PDE11A: variants seen among roughly 807,000 people sequenced by gnomAD.
PDE11A encodes dual 3',5'-cyclic-AMP and -GMP phosphodiesterase 11A.
PDE11A carries 100 observed loss-of-function variants against 100.5 expected under a neutral mutation model. The observed-to-expected ratio is 1.00, with a 90% CI of 0.85 to 1.18. PDE11A has a LOEUF of 1.18. PDE11A is among the 50% of genes most tolerant of loss of function. The pLI is 0.00. For missense variants in PDE11A, 1,141 were observed against 1,152.6 expected, an observed-to-expected ratio of 0.99 and a Z score of 0.15; for synonymous variants, 381 against 420.8, an observed-to-expected ratio of 0.91 and a Z score of 1.16.
intron 17 of PDE11A, among the ~76,000 whole-genome samples, chr2:177,672,485 G>T (rs1427795921): frequency 6.6e-6 from 1 of 152,140 alleles, no homozygotes; most frequent in Non-Finnish European, 1.5e-5. Context: ...GAGAAAGACA[G>T]AAAAAGACCC....
At chr2:177,903,468 G>A (rs1370019181) in intron 3 of PDE11A, among the ~76,000 whole-genome samples, 1 of 152,116 alleles carries the variant, frequency 6.6e-6, no homozygotes, top group Non-Finnish European at 1.5e-5. Flanking sequence ...CTCCGTAAGG[G>A]TAGGGATTTG....
chr2:177,897,592 C>T (rs1407505947), intron 4 of PDE11A, among the ~76,000 whole-genome samples: 1 of 152,306 alleles, frequency 6.6e-6, no homozygotes, highest in African/African-American at 2.4e-5. Context: ...GTCTGGGCTC[C>T]AAGAGCTAAG....
chr2:178,043,738 CACA>C (rs1188003567), intron 1 of PDE11A, among the ~76,000 whole-genome samples: 1 of 152,088 alleles, frequency 6.6e-6, no homozygotes, highest in Non-Finnish European at 1.5e-5. Flanking sequence ...ATGGAATAAT[CACA>C]ACAACCATGC....
intron 1 of PDE11A, among the ~76,000 whole-genome samples, chr2:178,059,576 T>A (rs2086941969): frequency 6.6e-6 from 1 of 152,182 alleles, no homozygotes; most frequent in Admixed American, 6.5e-5. Context: ...TGTAGCTGGG[T>A]CTGATCCCAG....
chr2:177,995,263 T>C (rs2086056250), intron 2 of PDE11A, among the ~76,000 whole-genome samples: 1 of 152,150 alleles, frequency 6.6e-6, no homozygotes, highest in Non-Finnish European at 1.5e-5. Context: ...CCAAGGGAGT[T>C]TAGGTTCAGC....
intron 6 of PDE11A, among the ~76,000 whole-genome samples, chr2:177,830,031 T>C (rs1435977209): frequency 6.6e-6 from 1 of 152,134 alleles, no homozygotes; most frequent in Non-Finnish European, 1.5e-5. Context: ...TAAGCTGCCA[T>C]GTGATGAGAG....
intron 1 of PDE11A, among the ~76,000 whole-genome samples, chr2:178,035,229 T>C (rs2105844231): frequency 6.6e-6 from 1 of 151,832 alleles, no homozygotes; most frequent in South Asian, 2.1e-4. Flanking sequence ...CAAACTACCA[T>C]CAGAGAATAC....
intron 2 of PDE11A, among the ~76,000 whole-genome samples, chr2:177,925,765 G>A (rs2085117023): frequency 2.0e-5 from 3 of 152,272 alleles, no homozygotes; most frequent in Admixed American, 2.0e-4. Context: ...GTCTTTTCTT[G>A]TATACAATCT....
intron 13 of PDE11A, among the ~76,000 whole-genome samples, chr2:177,709,718 T>C (rs1347730): frequency 0.93 from 141,692 of 152,170 alleles, 66,362 homozygotes; most frequent in East Asian, 1. Context: ...AGATTCAAGG[T>C]TGTACAGGTG....
chr2:177,900,553 C>A, intron 3 of PDE11A, among the ~76,000 whole-genome samples: 1 of 152,152 alleles, frequency 6.6e-6, no homozygotes, highest in East Asian at 1.9e-4. Flanking sequence ...GCCATGAGTT[C>A]TAGAGCAGCC....
At chr2:178,029,929 A>G (rs1472634891) in intron 1 of PDE11A, among the ~76,000 whole-genome samples, 3 of 152,174 alleles carry the variant, frequency 2.0e-5, no homozygotes, top group Non-Finnish European at 4.4e-5. Context: ...CCCTTTCACC[A>G]TATGATGCCT....
rs1285302796 is a variant in PDE11A at position 177,816,852 on chromosome 2, C to T, written c.1714G>A (p.Ala572Thr). Residue 572 changes from alanine (A) to threonine (T), a missense_variant, in exon 9 of 20, where the codon GCC becomes ACC. Coordinates refer to ENST00000286063, the MANE Select transcript of PDE11A (RefSeq NM_016953.4). ...ACATCAAGAGCCACAGACTGCTTGG[C>T]CCAGGACTTCTTCACTTGATCATAC... Reference protein sequence around the residue: ...IMYDQVKKSWAKQSVALDVLS... With the variant: ...IMYDQVKKSWTKQSVALDVLS... 1.2e-6 allele frequency: 2 copies of T among 1,601,954 alleles called. No homozygotes were observed. The highest frequency in any genetic ancestry group is 3.3e-5 in the Admixed American group (2 of 59,990).
intron 2 of PDE11A, among the ~76,000 whole-genome samples, chr2:178,080,159 T>C (rs1285454294): frequency 1.3e-5 from 2 of 152,200 alleles, no homozygotes; most frequent in African/African-American, 2.4e-5. Context: ...TAGATCCCAT[T>C]TGTCAATTTT....
intron 5 of PDE11A, among the ~76,000 whole-genome samples, chr2:177,866,470 C>A (rs551664750): frequency 1.3e-5 from 2 of 152,334 alleles, no homozygotes; most frequent in East Asian, 3.9e-4. Flanking sequence ...ATGCTCTCCC[C>A]ATCTACTGCT....
chr2:178,020,883 A>G (rs2086398980), intron 1 of PDE11A, among the ~76,000 whole-genome samples: 1 of 140,136 alleles, frequency 7.1e-6, no homozygotes, highest in African/African-American at 2.7e-5. Context: ...AGGAAGAAAG[A>G]TTTTTTCTAT....
chr2:177,920,866 T>A (rs1393679162), intron 2 of PDE11A, among the ~76,000 whole-genome samples: 2 of 152,038 alleles, frequency 1.3e-5, no homozygotes, highest in Non-Finnish European at 2.9e-5. Context: ...ATCCAGACCA[T>A]CCTGGCTAAC....
intron 2 of PDE11A, among the ~76,000 whole-genome samples, chr2:177,962,872 A>C (rs1488658583): frequency 6.6e-6 from 1 of 152,188 alleles, no homozygotes. Context: ...AAATCTCATA[A>C]ATTTTCTGAT....
At chr2:177,699,617 G>A (rs1346200911) in intron 14 of PDE11A, among the ~76,000 whole-genome samples, 1 of 152,186 alleles carries the variant, frequency 6.6e-6, no homozygotes, top group African/African-American at 2.4e-5. Context: ...GGTGGTGAGT[G>A]TGGTGTTAAT....
intron 1 of PDE11A, among the ~76,000 whole-genome samples, chr2:178,033,759 CA>C (rs1189690934): frequency 1.4e-5 from 2 of 144,388 alleles, no homozygotes; most frequent in Non-Finnish European, 2.9e-5. Context: ...CATTCTTAAA[CA>C]AAAAAAAGTT....
Sources: allele counts gnomAD v4.1 joint callset (sites outside exome capture counted in the v4.1 genomes callset), GRCh38; gene constraint gnomAD v4.1.1; transcripts MANE v1.5; gene names NCBI Gene and HGNC (gene_info 2026-07-23, HGNC 2026-07-21).